STK35: variants seen among roughly 807,000 people sequenced by gnomAD.
STK35 encodes serine/threonine kinase 35.
In STK35, 17 loss-of-function variants were observed where a neutral mutation model predicts 37.3. That is an observed-to-expected ratio of 0.46 (90% CI 0.31 to 0.68). STK35 has a LOEUF of 0.68. Among genes scored for constraint, STK35 ranks in the 30% least tolerant of loss-of-function variants. The pLI, the probability that STK35 is intolerant of heterozygous loss-of-function variation, is 0.05. For missense variants in STK35, 595 were observed against 746.7 expected, an observed-to-expected ratio of 0.80 and a Z score of 2.37; for synonymous variants, 385 against 319.1, an observed-to-expected ratio of 1.21 and a Z score of -2.20.
At chr20:2,104,450 C>T (rs1600597077) in intron 2 of STK35, among the ~76,000 whole-genome samples, 1 of 152,102 alleles carries the variant, frequency 6.6e-6, no homozygotes, top group South Asian at 2.1e-4. Flanking sequence ...AGGGTTAATC[C>T]GCTTGAAAGG....
rs142643825 is a variant in STK35 at position 2,127,991 on chromosome 20, C to T, written c.*37+10576C>T. Among the ~76,000 whole-genome samples, 517 of 152,304 alleles carry T rather than the reference C, an allele frequency of 3.4e-3. 4 individuals are homozygous for T. The highest frequency in any genetic ancestry group is 0.012 in the African/African-American group (488 of 41,558). ...TCAACCCCTTGTGTCCTCTCTGCTC[C>T]TCCTCACTTGATCCCACCCCCCAAC... On this transcript the variant is annotated intron_variant, in intron 3 of 3. Coordinates refer to ENST00000381482, the MANE Select transcript of STK35 (RefSeq NM_080836.4).
intron 3 of STK35, among the ~76,000 whole-genome samples, chr20:2,123,835 G>T (rs1046354001): frequency 6.6e-6 from 1 of 152,104 alleles, no homozygotes; most frequent in African/African-American, 2.4e-5. Flanking sequence ...TGCCTTACAG[G>T]ACTGCCCTCC....
At chr20:2,129,133 A>C (rs909768446) in intron 3 of STK35, among the ~76,000 whole-genome samples, 3 of 152,148 alleles carry the variant, frequency 2.0e-5, no homozygotes, top group African/African-American at 7.2e-5. Flanking sequence ...TCTAAGTGGA[A>C]TCTTAAACAT....
chr20:2,110,769 C>T (rs903198290), intron 2 of STK35, among the ~76,000 whole-genome samples: 6 of 152,138 alleles, frequency 3.9e-5, no homozygotes, highest in Admixed American at 6.5e-5. Flanking sequence ...TGGACCATCA[C>T]GAGGGACTGG....
At chr20:2,118,810 G>A (rs936796844) in intron 3 of STK35, among the ~76,000 whole-genome samples, 1 of 152,210 alleles carries the variant, frequency 6.6e-6, no homozygotes, top group East Asian at 1.9e-4. Context: ...ACTTACCATT[G>A]TGTTACAACT....
Position 2,103,056 on chromosome 20 carries a change from G to A in STK35, c.583G>A (p.Gly195Ser). The A allele has an allele frequency of 1.3e-6, 2 of 1,565,296 alleles. No individual in the cohort carries two copies. The highest frequency in any genetic ancestry group is 1.7e-6 in the Non-Finnish European group (2 of 1,164,500). ...FLARRRPEGG[G>S]GSARPRYSLL... The stretch of plus-strand genomic sequence containing the variant: ...GGCGCGGCGACGGCCTGAGGGCGGT[G>A]GCGGGTCCGCGCGGCCGCGTTACAG... The change falls in exon 2 of 4, where the codon GGC becomes AGC. Residue 195 changes from glycine (G) to serine (S), a missense_variant. Gly to Ser is a moderately conservative substitution (Grantham distance 56). Transcript: ENST00000381482.
intron 3 of STK35, among the ~76,000 whole-genome samples, chr20:2,143,175 C>T (rs1986198764): frequency 2.6e-5 from 4 of 152,096 alleles, no homozygotes; most frequent in Admixed American, 2.0e-4. Flanking sequence ...CGTTCTTAAC[C>T]CCCACAGTGC....
chr20:2,140,541 GA>G (rs879863914), intron 3 of STK35, among the ~76,000 whole-genome samples: 3 of 152,204 alleles, frequency 2.0e-5, no homozygotes, highest in Admixed American at 2.0e-4. Context: ...AGCTCCCTGG[GA>G]AAAATGCTCT....
chr20:2,104,303 G>C (rs1438550498), intron 2 of STK35, among the ~76,000 whole-genome samples: 2 of 152,192 alleles, frequency 1.3e-5, no homozygotes, highest in Admixed American at 6.5e-5. Context: ...GGAGGATCCA[G>C]GGGAAGAAAG....
intron 3 of STK35, among the ~76,000 whole-genome samples, chr20:2,118,161 A>C (rs1225587636): frequency 1.3e-5 from 2 of 152,090 alleles, no homozygotes; most frequent in African/African-American, 4.8e-5. Flanking sequence ...TACTAATCTG[A>C]GCATTCCTCC....
intron 3 of STK35, among the ~76,000 whole-genome samples, chr20:2,129,186 A>T (rs1312902954): frequency 1.3e-5 from 2 of 152,186 alleles, no homozygotes; most frequent in Non-Finnish European, 2.9e-5. Context: ...TCTGTTCCAC[A>T]GACATGTATT....
chr20:2,139,747 A>G lies in STK35; in HGVS notation c.*38-4037A>G, dbSNP rs183364901. 1.6e-3 allele frequency among the ~76,000 whole-genome samples: 241 copies of G among 152,348 alleles called. 1 individual carries two copies. Among genetic ancestry groups the G allele is most frequent in the African/African-American group, 5.6e-3 (234 of 41,580 alleles). On this transcript the variant is annotated intron_variant, in intron 3 of 3. Coordinates refer to ENST00000381482, the MANE Select transcript of STK35 (RefSeq NM_080836.4). ...TTGCTTTACGAGGTTGTTGCCTATA[A>G]CACAGTTAGAACTTGCACAGACAGA...
intron 3 of STK35, among the ~76,000 whole-genome samples, chr20:2,127,434 T>A (rs913355298): frequency 1.3e-5 from 2 of 152,046 alleles, no homozygotes; most frequent in Non-Finnish European, 2.9e-5. Context: ...GAACTAGAAG[T>A]CACAAGTAAA....
At chr20:2,103,497 C>A in intron 2 of STK35, 132 bp downstream of exon 2, 1 of 830,796 alleles carries the variant, frequency 1.2e-6, no homozygotes, top group Non-Finnish European at 1.8e-6. Context: ...CTGACACACC[C>A]TCCTTTCCTG....
Position 2,103,582 on chromosome 20 carries a change from A to G in STK35, c.892+217A>G, listed in dbSNP as rs115501000. Among the ~76,000 whole-genome samples the G allele has an allele frequency of 4.8e-3, 732 of 152,270 alleles. 2 individuals are homozygous for G. Among genetic ancestry groups the G allele is most frequent in the African/African-American group, 0.017 (696 of 41,544 alleles). Reference sequence around the variant, plus strand: ...GCCTAAAGTTGGCTGGTGTTTCCATAACAAGAGCTCGTTTAAGTGCTAACC... The same window carrying G: ...GCCTAAAGTTGGCTGGTGTTTCCATGACAAGAGCTCGTTTAAGTGCTAACC... On this transcript the variant is annotated intron_variant, in intron 2 of 3. Coordinates refer to ENST00000381482, the MANE Select transcript of STK35 (RefSeq NM_080836.4).
At chr20:2,135,449 A>C (rs1238348357) in intron 3 of STK35, among the ~76,000 whole-genome samples, 4 of 152,248 alleles carry the variant, frequency 2.6e-5, no homozygotes, top group Non-Finnish European at 5.9e-5. Flanking sequence ...CAGCAGTCCA[A>C]CATATCTGGC....
intron 2 of STK35, among the ~76,000 whole-genome samples, chr20:2,114,541 C>G (rs890312457): frequency 6.6e-6 from 1 of 152,166 alleles, no homozygotes; most frequent in Non-Finnish European, 1.5e-5. Context: ...TCTGAGAATA[C>G]TTCTTCCTGT....
At chr20:2,121,921 G>A (rs531944284) in intron 3 of STK35, among the ~76,000 whole-genome samples, 11 of 152,306 alleles carry the variant, frequency 7.2e-5, no homozygotes, top group Admixed American at 3.3e-4. Context: ...GGAGACAGTG[G>A]AAGAATAGAC....
chr20:2,114,060 G>A (rs756417101), intron 2 of STK35, among the ~76,000 whole-genome samples: 47 of 152,060 alleles, frequency 3.1e-4, no homozygotes, highest in African/African-American at 5.6e-4. Context: ...AAGTGCCTCC[G>A]AGTGCCTGGC....
Sources: gnomAD v4.1 joint callset for allele counts (sites outside exome capture counted in the v4.1 genomes callset) on GRCh38, gnomAD v4.1.1 for gene constraint, MANE v1.5 for transcripts, NCBI Gene and HGNC (gene_info 2026-07-23, HGNC 2026-07-21) for gene names.